Variants in KCNMB4 observed in about 807,000 individuals in gnomAD.
The protein encoded by KCNMB4 is potassium calcium-activated channel subfamily M regulatory beta subunit 4, also known as calcium-activated potassium channel subunit beta-4.
In KCNMB4, 3 loss-of-function variants were observed where a neutral mutation model predicts 20.7. The ratio of observed to expected loss-of-function variants is 0.14; its 90% CI spans 0.07 to 0.37. The LOEUF (loss-of-function observed/expected upper bound fraction) is 0.37. Among genes scored for constraint, KCNMB4 ranks in the 10% least tolerant of loss-of-function variants. The pLI is 1.00. For synonymous variants in KCNMB4, 110 were observed against 113.4 expected, an observed-to-expected ratio of 0.97 and a Z score of 0.19; for missense variants, 168 against 265.9, an observed-to-expected ratio of 0.63 and a Z score of 2.56.
Position 70,387,117 on chromosome 12 carries a change from G to T in KCNMB4, c.337-13092G>T, listed in dbSNP as rs1044829714. 2.7e-5 allele frequency among the ~76,000 whole-genome samples: 4 copies of T among 149,786 alleles called. 1 individual carries two copies. Among genetic ancestry groups the T allele is most frequent in the African/African-American group, 9.8e-5 (4 of 40,808 alleles). On this transcript the variant is annotated intron_variant, in intron 1 of 2. Coordinates refer to ENST00000258111, the MANE Select transcript of KCNMB4 (RefSeq NM_014505.6). The stretch of plus-strand genomic sequence containing the variant: ...GCTTTATTTTTGTTGTTTTTTTTTT[G>T]AAGGGAAACAAAGCTTATTGCTTTC...
At chr12:70,390,518 T>C (rs1220571156) in intron 1 of KCNMB4, among the ~76,000 whole-genome samples, 1 of 152,210 alleles carries the variant, frequency 6.6e-6, no homozygotes, top group Non-Finnish European at 1.5e-5. Flanking sequence ...ATCAGGGCTC[T>C]CTCTGGGCTC....
chr12:70,415,154 T>C (rs1389621918), intron 2 of KCNMB4, among the ~76,000 whole-genome samples: 1 of 152,206 alleles, frequency 6.6e-6, no homozygotes, highest in Non-Finnish European at 1.5e-5. Flanking sequence ...TACAAGGCAT[T>C]ATTAACACAA....
At chr12:70,400,458 G>C in intron 2 of KCNMB4, 122 bp downstream of exon 2, 1 of 984,238 alleles carries the variant, frequency 1.0e-6, no homozygotes, top group South Asian at 2.0e-5. Context: ...TTCTTTGCGT[G>C]TAATTAGGGA....
chr12:70,388,353 T>G (rs12831346), intron 1 of KCNMB4, among the ~76,000 whole-genome samples: 2,475 of 152,292 alleles, frequency 0.016, 38 homozygotes, highest in Non-Finnish European at 0.027. Flanking sequence ...AGCAGTGGGA[T>G]TGCTGAATCG....
chr12:70,413,656 C>G (rs1436731390), intron 2 of KCNMB4, among the ~76,000 whole-genome samples: 3 of 152,150 alleles, frequency 2.0e-5, no homozygotes, highest in Admixed American at 2.0e-4. Flanking sequence ...CTGGGAGACA[C>G]TTTTCATTCA....
intron 1 of KCNMB4, among the ~76,000 whole-genome samples, chr12:70,383,539 A>G (rs953443478): frequency 3.3e-5 from 5 of 152,236 alleles, no homozygotes; most frequent in African/African-American, 1.2e-4. Context: ...GCTTAACTCA[A>G]CAGAGATTTA....
intron 1 of KCNMB4, among the ~76,000 whole-genome samples, chr12:70,368,199 A>G (rs781313658): frequency 5.9e-5 from 9 of 152,160 alleles, no homozygotes; most frequent in Non-Finnish European, 1.2e-4. Flanking sequence ...TGTTAACTCT[A>G]ACAAGATATA....
intron 1 of KCNMB4, among the ~76,000 whole-genome samples, chr12:70,367,713 A>G (rs1883520666): frequency 6.6e-6 from 1 of 152,104 alleles, no homozygotes. Flanking sequence ...AAAAGAGTCT[A>G]CAGGGAGCCT....
intron 1 of KCNMB4, among the ~76,000 whole-genome samples, chr12:70,387,226 A>G (rs17226241): frequency 1.7e-5 from 2 of 120,394 alleles, no homozygotes; most frequent in East Asian, 1.9e-4. Context: ...GAAAGAGCCT[A>G]TTTTTTGCAG....
At chr12:70,429,974 G>C (rs1156341214) in intron 2 of KCNMB4, among the ~76,000 whole-genome samples, 1 of 151,828 alleles carries the variant, frequency 6.6e-6, no homozygotes, top group East Asian at 1.9e-4. Context: ...TAGTGAAGCT[G>C]AGTTGCCCTG....
chr12:70,386,764 T>C (rs780073192), intron 1 of KCNMB4, among the ~76,000 whole-genome samples: 1 of 152,190 alleles, frequency 6.6e-6, no homozygotes, highest in Non-Finnish European at 1.5e-5. Flanking sequence ...CTCTTTTGTT[T>C]GTAATTGCAA....
At chr12:70,371,801 C>T (rs1207301106) in intron 1 of KCNMB4, among the ~76,000 whole-genome samples, 2 of 152,138 alleles carry the variant, frequency 1.3e-5, no homozygotes, top group Non-Finnish European at 2.9e-5. Context: ...GGTGCTGAGA[C>T]TAGAATATAG....
intron 1 of KCNMB4, among the ~76,000 whole-genome samples, chr12:70,399,790 G>A (rs1189217922): frequency 1.3e-5 from 2 of 152,208 alleles, no homozygotes; most frequent in East Asian, 1.9e-4. Flanking sequence ...GAAGAGCTAT[G>A]TGCTTGAATT....
chr12:70,431,094 T>G lies in KCNMB4; in HGVS notation c.*441T>G, dbSNP rs1869352961. ...AAAAGGTGAGGACATCTGGGTCTCA[T>G]TTGCTTCTGCTAGGTTAAACTTTTA... On this transcript the variant is annotated 3_prime_UTR_variant, in exon 3 of 3. Coordinates refer to ENST00000258111, the MANE Select transcript of KCNMB4 (RefSeq NM_014505.6). 6.6e-6 allele frequency: 1 copy of G among 152,174 alleles called. No individual in the cohort carries two copies. The highest frequency in any genetic ancestry group is 2.4e-5 in the African/African-American group (1 of 41,402). 9.4% of individuals were successfully genotyped at this position (152,174 alleles called of 1,614,324 possible). A position where few individuals can be genotyped will look rare whatever the true frequency, so the allele number is the denominator to read the frequency against.
At position 70,412,566 on chromosome 12, in the gene KCNMB4, T is replaced by A. The variant is rs572674123; in HGVS notation, c.464+12230T>A. On this transcript the variant is annotated intron_variant, in intron 2 of 2. Coordinates refer to ENST00000258111, the MANE Select transcript of KCNMB4 (RefSeq NM_014505.6). ...AAACAGATTGAGCTCTAAAAACAGATGCAAGCTCAAAAAAAGATTTATTTT... is the reference window on the plus strand; with the variant it reads ...AAACAGATTGAGCTCTAAAAACAGAAGCAAGCTCAAAAAAAGATTTATTTT... Among the ~76,000 whole-genome samples, 3 of 152,346 alleles carry A rather than the reference T, an allele frequency of 2.0e-5. No homozygotes were observed. In the South Asian group the frequency reaches 6.2e-4, roughly 32 times the overall value.
chr12:70,424,761 A>AT (rs1491171550), intron 2 of KCNMB4, among the ~76,000 whole-genome samples: 2 of 147,666 alleles, frequency 1.4e-5, no homozygotes, highest in African/African-American at 4.9e-5. Context: ...AAAAAAAAAA[A>AT]GAATACTACA....
chr12:70,400,510 G>A lies in KCNMB4; in HGVS notation c.464+174G>A, dbSNP rs569252243. ...CTGCAGGACAGAGAAAAAGACTTGTGTTGTACACCTTACCCTGTGAATATA... is the reference window on the plus strand; with the variant it reads ...CTGCAGGACAGAGAAAAAGACTTGTATTGTACACCTTACCCTGTGAATATA... On this transcript the variant is annotated intron_variant, in intron 2 of 2. Coordinates refer to ENST00000258111, the MANE Select transcript of KCNMB4 (RefSeq NM_014505.6). Among the ~76,000 whole-genome samples, 5 of 152,338 alleles carry A rather than the reference G, an allele frequency of 3.3e-5. No individual in the cohort carries two copies. The East Asian group carries it at 9.6e-4, about 29-fold the overall frequency.
intron 1 of KCNMB4, among the ~76,000 whole-genome samples, chr12:70,398,121 C>T (rs1412491574): frequency 1.3e-5 from 2 of 152,080 alleles, no homozygotes; most frequent in Non-Finnish European, 2.9e-5. Context: ...AAGGAAGGAC[C>T]TACCACACTC....
intron 2 of KCNMB4, among the ~76,000 whole-genome samples, chr12:70,404,362 G>A (rs1037056852): frequency 1.3e-5 from 2 of 152,132 alleles, no homozygotes; most frequent in Non-Finnish European, 2.9e-5. Context: ...AAAGAAAGGA[G>A]AGTACTGAGT....
Sources: gnomAD v4.1 joint callset for allele counts (sites outside exome capture counted in the v4.1 genomes callset) on GRCh38, gnomAD v4.1.1 for gene constraint, MANE v1.5 for transcripts, NCBI Gene and HGNC (gene_info 2026-07-23, HGNC 2026-07-21) for gene names.